The following KLHL3 variants were observed in gnomAD, a reference collection of about 807,000 sequenced individuals.
KLHL3 encodes the protein kelch like family member 3, also known as kelch-like protein 3.
KLHL3 carries 19 observed loss-of-function variants against 70.5 expected under a neutral mutation model. The observed-to-expected ratio is 0.27, with a 90% CI of 0.19 to 0.40. The LOEUF (loss-of-function observed/expected upper bound fraction) is 0.40, where lower values mean the gene tolerates loss of function less well. Ranked by LOEUF, KLHL3 falls within the 10% of genes least tolerant of loss-of-function variation. The pLI is 1.00. For synonymous variants in KLHL3, 258 were observed against 290.3 expected (o/e 0.89, Z 1.13); for missense variants, 512 against 771.1 (o/e 0.66, Z 3.98).
intron 2 of KLHL3, among the ~76,000 whole-genome samples, chr5:137,710,206 C>T (rs1297352572): frequency 6.6e-6 from 1 of 152,138 alleles, no homozygotes; most frequent in African/African-American, 2.4e-5. Context: ...AAGCTTGGGG[C>T]TGTCATTCGA....
At chr5:137,677,513 G>A in intron 6 of KLHL3, 32 bp downstream of exon 6, 5 of 1,295,722 alleles carry the variant, frequency 3.9e-6, no homozygotes, top group Non-Finnish European at 5.5e-6. Flanking sequence ...TGACGAGTGA[G>A]GTTCCCGTTT....
chr5:137,706,746 T>C (rs1334975630), intron 3 of KLHL3, among the ~76,000 whole-genome samples: 1 of 152,234 alleles, frequency 6.6e-6, no homozygotes, highest in Non-Finnish European at 1.5e-5. Context: ...TGCAATTTCA[T>C]TGACATGGAA....
Position 137,735,787 on chromosome 5 carries a change from T to C in KLHL3, c.-141A>G, listed in dbSNP as rs982197514. ...CAGCATGGCTGCAAGTGAAGCCTCCTCCCTTCTCAATCCTCCTTCCTCTGA... is the reference window on the plus strand; with the variant it reads ...CAGCATGGCTGCAAGTGAAGCCTCCCCCCTTCTCAATCCTCCTTCCTCTGA... On this transcript the variant is annotated 5_prime_UTR_variant, in exon 1 of 15. Transcript: ENST00000309755. 8.9e-7 allele frequency: 1 copy of C among 1,121,850 alleles called. No individual in the cohort carries two copies. Among genetic ancestry groups the C allele is most frequent in the Non-Finnish European group, 1.4e-6 (1 of 737,812 alleles). The allele number at this position is 1,121,850 out of a possible 1,614,324, so 69.5% of individuals were successfully genotyped here.
intron 4 of KLHL3, among the ~76,000 whole-genome samples, chr5:137,696,921 C>T (rs2905615): frequency 0.78 from 118,774 of 152,020 alleles, 46,633 homozygotes; most frequent in East Asian, 0.98. Context: ...CTCCAAGGTA[C>T]GTGTGCCTGG....
chr5:137,733,095 G>C (rs1186592799), intron 1 of KLHL3, among the ~76,000 whole-genome samples: 1 of 152,184 alleles, frequency 6.6e-6, no homozygotes. Flanking sequence ...GATTCAGCAG[G>C]TTAAGTGTGG....
intron 3 of KLHL3, among the ~76,000 whole-genome samples, chr5:137,705,393 T>C (rs1752665829): frequency 6.6e-6 from 1 of 152,206 alleles, no homozygotes; most frequent in South Asian, 2.1e-4. Flanking sequence ...GATTCCTGCC[T>C]ACTCCAAGTC....
At chr5:137,730,183 C>A (rs1303764610) in intron 1 of KLHL3, among the ~76,000 whole-genome samples, 1 of 152,208 alleles carries the variant, frequency 6.6e-6, no homozygotes, top group Admixed American at 6.5e-5. Flanking sequence ...AAGTGCAGAA[C>A]TGGCACTGAA....
chr5:137,653,827 CA>C (rs771035522), intron 8 of KLHL3, among the ~76,000 whole-genome samples: 2 of 152,190 alleles, frequency 1.3e-5, no homozygotes, highest in Non-Finnish European at 2.9e-5. Context: ...TTATTTGTAA[CA>C]GCCAAAAACT....
intron 14 of KLHL3, among the ~76,000 whole-genome samples, chr5:137,624,989 G>A (rs1488627314): frequency 2.6e-5 from 4 of 152,154 alleles, no homozygotes; most frequent in Admixed American, 2.0e-4. Context: ...TTAGAACTCT[G>A]GGTTTGAACT....
In KLHL3 at chr5:137,664,012, T is replaced by C. The variant is rs186241832; in HGVS notation, c.637-1981A>G. ...GTCAAAACTAACCAAATTGTGTATT[T>C]AATATCCATATACCTCAATATAAAA... On this transcript the variant is annotated intron_variant, in intron 6 of 14. Coordinates refer to ENST00000309755, the MANE Select transcript of KLHL3 (RefSeq NM_017415.3). 2.9e-3 allele frequency among the ~76,000 whole-genome samples: 441 copies of C among 152,328 alleles called. 2 individuals carry two copies. Among genetic ancestry groups the C allele is most frequent in the Non-Finnish European group, 5.0e-3 (337 of 68,036 alleles).
chr5:137,699,142 G>A (rs1439678671), intron 3 of KLHL3, among the ~76,000 whole-genome samples: 1 of 152,132 alleles, frequency 6.6e-6, no homozygotes, highest in Non-Finnish European at 1.5e-5. Flanking sequence ...TCTCTCCTGG[G>A]AACTCCAGTC....
chr5:137,670,708 G>A (rs1224978143), intron 6 of KLHL3, among the ~76,000 whole-genome samples: 3 of 151,986 alleles, frequency 2.0e-5, no homozygotes, highest in African/African-American at 7.3e-5. Context: ...TGTGGCTCAC[G>A]CCTGTAATCC....
intron 6 of KLHL3, among the ~76,000 whole-genome samples, chr5:137,671,068 T>C (rs751144853): frequency 6.6e-5 from 10 of 152,002 alleles, no homozygotes; most frequent in Non-Finnish European, 1.0e-4. Flanking sequence ...AATACTGACC[T>C]GAAGAAGAAA....
At chr5:137,662,286 A>ACAC (rs1751502259) in intron 6 of KLHL3, among the ~76,000 whole-genome samples, 2 of 130,758 alleles carry the variant, frequency 1.5e-5, no homozygotes, top group African/African-American at 5.7e-5. Flanking sequence ...CACACACACA[A>ACAC]GGACAAACCT....
intron 14 of KLHL3, among the ~76,000 whole-genome samples, chr5:137,625,520 G>A (rs1750436967): frequency 6.6e-6 from 1 of 152,196 alleles, no homozygotes; most frequent in South Asian, 2.1e-4. Flanking sequence ...CTATCTTCAG[G>A]TTCACAGGGT....
chr5:137,735,945 T>A lies in KLHL3; in HGVS notation c.-299A>T. 2.0e-6 allele frequency: 1 copy of A among 493,744 alleles called. No homozygotes were observed. 30.6% of individuals were successfully genotyped at this position (493,744 alleles called of 1,614,324 possible). ...CCTCCCCCGCAGGCTTGCTGCTCCTTGGTCTCCTAGGAACGGCGGCAGCTC... is the reference window on the plus strand; with the variant it reads ...CCTCCCCCGCAGGCTTGCTGCTCCTAGGTCTCCTAGGAACGGCGGCAGCTC... On this transcript the variant is annotated 5_prime_UTR_variant, in exon 1 of 15. Transcript: ENST00000309755.
chr5:137,655,841 AT>A (rs1407185702), intron 8 of KLHL3, among the ~76,000 whole-genome samples: 1 of 151,882 alleles, frequency 6.6e-6, no homozygotes, highest in Non-Finnish European at 1.5e-5. Context: ...AAGAAAAAAA[AT>A]TAGCTGGGTG....
chr5:137,691,096 A>C (rs142944823), intron 5 of KLHL3, among the ~76,000 whole-genome samples: 1 of 152,356 alleles, frequency 6.6e-6, no homozygotes, highest in East Asian at 1.9e-4. Flanking sequence ...CATTAAAATA[A>C]TAGAATGACA....
intron 6 of KLHL3, among the ~76,000 whole-genome samples, chr5:137,663,510 A>G (rs1330029820): frequency 1.3e-5 from 2 of 151,244 alleles, no homozygotes; most frequent in South Asian, 2.1e-4. Context: ...CTTTAAATAT[A>G]TATATTTAAA....
Sources: allele counts gnomAD v4.1 joint callset (sites outside exome capture counted in the v4.1 genomes callset), GRCh38; gene constraint gnomAD v4.1.1; transcripts MANE v1.5; gene names NCBI Gene and HGNC (gene_info 2026-07-23, HGNC 2026-07-21).